PCDHA4: variants seen among roughly 807,000 people sequenced by gnomAD.
PCDHA4 encodes protocadherin alpha-4.
A neutral mutation model predicts 61.4 loss-of-function variants in PCDHA4; 49 were observed. That is an observed-to-expected ratio of 0.80 (90% confidence interval 0.63 to 1.01). The LOEUF is 1.01. Among genes scored for constraint, PCDHA4 ranks in the 50% least tolerant of loss-of-function variants. The pLI is 0.00. For missense variants in PCDHA4, 1,254 were observed against 1,235.8 expected (o/e 1.01, Z -0.22); for synonymous variants, 590 against 550.3 (o/e 1.07, Z -1.01).
At chr5:140,834,520 GC>G in intron 1 of PCDHA4, 1 of 1,614,066 alleles carries the variant, frequency 6.2e-7, no homozygotes, top group Non-Finnish European at 8.5e-7. Flanking sequence ...AACTTCGTGG[GC>G]CGCATCGCGC....
chr5:140,926,881 C>G, intron 1 of PCDHA4: 1 of 1,541,960 alleles, frequency 6.5e-7, no homozygotes, highest in Non-Finnish European at 8.8e-7. Context: ...AACGTGGACG[C>G]CTAGAGGGAG....
intron 1 of PCDHA4, chr5:140,812,811 T>C (rs2126641915): frequency 1.4e-4 from 21 of 152,328 alleles, no homozygotes; most frequent in Admixed American, 1.2e-3. Flanking sequence ...AAGTTTTTAT[T>C]GTGTTGTGTT....
chr5:140,940,208 A>C (rs1193106137), intron 1 of PCDHA4, among the ~76,000 whole-genome samples: 1 of 152,164 alleles, frequency 6.6e-6, no homozygotes, highest in Non-Finnish European at 1.5e-5. Context: ...AAAATTCAAG[A>C]TTGGCATTTA....
intron 1 of PCDHA4, among the ~76,000 whole-genome samples, chr5:140,912,539 T>C (rs2075967162): frequency 6.6e-6 from 1 of 152,172 alleles, no homozygotes; most frequent in Non-Finnish European, 1.5e-5. Flanking sequence ...CATGATCATA[T>C]TGTCAGCAAA....
intron 1 of PCDHA4, among the ~76,000 whole-genome samples, chr5:140,953,819 G>A (rs782420849): frequency 1.3e-5 from 2 of 151,904 alleles, no homozygotes; most frequent in Non-Finnish European, 1.5e-5. Context: ...GCATGTGCTA[G>A]TTGTGCAGGT....
intron 1 of PCDHA4, among the ~76,000 whole-genome samples, chr5:140,832,146 T>C (rs1554133466): frequency 6.6e-6 from 1 of 152,254 alleles, no homozygotes; most frequent in African/African-American, 2.4e-5. Flanking sequence ...AAAATTGAAT[T>C]AAGACTTGGA....
intron 1 of PCDHA4, among the ~76,000 whole-genome samples, chr5:140,972,087 A>G (rs1372467840): frequency 3.3e-5 from 5 of 152,192 alleles, no homozygotes; most frequent in Non-Finnish European, 7.3e-5. Context: ...AAAAAGAGTA[A>G]TTTCTGGCAT....
At chr5:140,817,814 T>G (rs1289850522) in intron 1 of PCDHA4, among the ~76,000 whole-genome samples, 2 of 152,208 alleles carry the variant, frequency 1.3e-5, no homozygotes. Flanking sequence ...CGTTTTTATA[T>G]ATCTGGAAAT....
chr5:140,979,048 C>T, intron 2 of PCDHA4, 41 bp downstream of exon 2: 2 of 1,611,774 alleles, frequency 1.2e-6, no homozygotes, highest in East Asian at 2.2e-5. Context: ...GTAACCTTAA[C>T]TTGGTATGGC....
intron 3 of PCDHA4, among the ~76,000 whole-genome samples, chr5:140,999,861 A>G (rs1181249308): frequency 6.6e-6 from 1 of 152,184 alleles, no homozygotes; most frequent in Non-Finnish European, 1.5e-5. Flanking sequence ...TTCCGCTCCA[A>G]GATTACTGAA....
At chr5:140,924,894 C>CAA (rs782133089) in intron 1 of PCDHA4, among the ~76,000 whole-genome samples, 44 of 71,514 alleles carry the variant, frequency 6.2e-4, no homozygotes, top group African/African-American at 1.3e-3. Flanking sequence ...GAACCTGTCT[C>CAA]AAAAAAAAAA....
chr5:140,821,848 G>A (rs2150111173), intron 1 of PCDHA4: 1 of 1,614,192 alleles, frequency 6.2e-7, no homozygotes, highest in South Asian at 1.1e-5. Context: ...CTACTGGAAG[G>A]CAGGGAGCGG....
chr5:140,967,107 G>A (rs782199698), intron 1 of PCDHA4: 12 of 1,612,876 alleles, frequency 7.4e-6, no homozygotes, highest in Non-Finnish European at 9.3e-6. Context: ...TGTGAGCAGC[G>A]GCCTCGCTGC....
At chr5:140,869,521 C>T (rs782236624) in intron 1 of PCDHA4, 4 of 1,614,064 alleles carry the variant, frequency 2.5e-6, no homozygotes, top group Non-Finnish European at 2.5e-6. Flanking sequence ...AGAACAAAAG[C>T]TGCTGATTGC....
intron 1 of PCDHA4, chr5:140,823,820 C>T (rs2150129375): frequency 1.2e-6 from 2 of 1,613,790 alleles, no homozygotes; most frequent in South Asian, 1.1e-5. Flanking sequence ...TCGCGGGCGT[C>T]GGCGGGCGCT....
At chr5:140,814,921 C>T (rs1338583104) in intron 1 of PCDHA4, 3 of 152,148 alleles carry the variant, frequency 2.0e-5, no homozygotes, top group Middle Eastern at 3.4e-3. Context: ...GTGAATTGAC[C>T]TTTTATCATT....
intron 1 of PCDHA4, among the ~76,000 whole-genome samples, chr5:140,932,418 ATTG>A (rs1457931424): frequency 1.3e-5 from 2 of 151,928 alleles, no homozygotes; most frequent in African/African-American, 4.8e-5. Context: ...ATATTAGTGT[ATTG>A]TTCACCTGGA....
intron 1 of PCDHA4, among the ~76,000 whole-genome samples, chr5:140,971,036 G>A (rs919714179): frequency 2.0e-5 from 3 of 152,204 alleles, no homozygotes; most frequent in Non-Finnish European, 2.9e-5. Context: ...TTGAAAGCAC[G>A]TAAAAGGGTT....
At chr5:140,822,911 G>A (rs2150120278) in intron 1 of PCDHA4, 1 of 1,614,254 alleles carries the variant, frequency 6.2e-7, no homozygotes, top group Non-Finnish European at 8.5e-7. Flanking sequence ...CGTGACTCAG[G>A]TGCCAACGGG....
Sources: gnomAD v4.1 joint callset for allele counts (sites outside exome capture counted in the v4.1 genomes callset) on GRCh38, gnomAD v4.1.1 for gene constraint, MANE v1.5 for transcripts, NCBI Gene and HGNC (gene_info 2026-07-23, HGNC 2026-07-21) for gene names.